Variants in PMEL observed in about 807,000 individuals in gnomAD.
PMEL encodes melanocyte protein PMEL.
Under a neutral mutation model 64.9 loss-of-function variants are expected in PMEL, and 53 were observed. The ratio of observed to expected loss-of-function variants is 0.82; its 90% CI spans 0.66 to 1.03. The LOEUF is 1.03. PMEL is among the 50% of genes least tolerant of loss of function. The pLI is 0.00. For missense variants in PMEL, 716 were observed against 814.9 expected, an observed-to-expected ratio of 0.88 and a Z score of 1.48; for synonymous variants, 299 against 316.2, an observed-to-expected ratio of 0.95 and a Z score of 0.58.
intron 3 of PMEL, among the ~76,000 whole-genome samples, chr12:55,960,535 C>CTT (rs1889060584): frequency 8.1e-6 from 1 of 122,942 alleles, no homozygotes; most frequent in Non-Finnish European, 1.6e-5. Flanking sequence ...TTTTTGCTTT[C>CTT]TGTTTTTTTT....
chr12:55,954,491 T>C (rs1180547292), intron 10 of PMEL, 142 bp from the exon 11 acceptor site: 2 of 787,542 alleles, frequency 2.5e-6, no homozygotes, highest in Non-Finnish European at 4.1e-6. Context: ...CCTCCAGGGT[T>C]TACCCTCTCT....
Position 55,955,766 on chromosome 12 carries a change from G to A in PMEL, c.1556+13C>T, listed in dbSNP as rs375433823. ...CAACCAAAGAGTTACCAGCACACTA[G>A]TGAGACACTCACCCGCCTTGGCAGG... On this transcript the variant is annotated intron_variant, in intron 8 of 10. Coordinates refer to ENST00000548747, the MANE Select transcript of PMEL (RefSeq NM_001384361.1). The A allele has an allele frequency of 1.2e-6, 2 of 1,611,814 alleles. No homozygotes were observed. The highest frequency in any genetic ancestry group is 2.7e-5 in the African/African-American group (2 of 75,014).
At chr12:55,965,653 C>T (rs1384256881) in intron 1 of PMEL, among the ~76,000 whole-genome samples, 4 of 152,178 alleles carry the variant, frequency 2.6e-5, no homozygotes, top group Admixed American at 2.6e-4. Context: ...GCACATTTCA[C>T]CCCTTTGGAG....
intron 1 of PMEL, among the ~76,000 whole-genome samples, chr12:55,964,357 T>C (rs1244811782): frequency 6.6e-6 from 1 of 151,742 alleles, no homozygotes; most frequent in East Asian, 1.9e-4. Flanking sequence ...ACTGGGTTTC[T>C]CTATGTTGGT....
Position 55,958,527 on chromosome 12 carries a change from G to A in PMEL, c.415C>T (p.Pro139Ser). The stretch of plus-strand genomic sequence containing the variant: ...CTCTTCTGAGACCAAGAGCCAGATG[G>A]GCAAGGTCCACCATCAGGGAAGATG... ...ACIFPDGGPCPSGSWSQKRSF... is the reference protein window; with the variant it reads ...ACIFPDGGPCSSGSWSQKRSF... The change falls in exon 4 of 11, where the codon CCA (proline) becomes TCA (serine). Residue 139 changes from proline to serine, a missense_variant. Pro to Ser is a moderately conservative substitution (Grantham distance 74, BLOSUM62 -1). Coordinates refer to ENST00000548747, the MANE Select transcript of PMEL (RefSeq NM_001384361.1). 6.2e-7 allele frequency: 1 copy of A among 1,614,084 alleles called. No individual in the cohort carries two copies. Among genetic ancestry groups the A allele is most frequent in the Non-Finnish European group, 8.5e-7 (1 of 1,179,992 alleles).
intron 1 of PMEL, among the ~76,000 whole-genome samples, chr12:55,964,118 G>A (rs1208931086): frequency 6.6e-6 from 1 of 151,378 alleles, no homozygotes; most frequent in African/African-American, 2.4e-5. Context: ...AAGTGGCTAG[G>A]ACCACAGGTG....
intron 1 of PMEL, among the ~76,000 whole-genome samples, chr12:55,962,788 C>T (rs1465194937): frequency 1.3e-5 from 2 of 151,832 alleles, no homozygotes; most frequent in African/African-American, 4.8e-5. Flanking sequence ...GCTTCGGCCT[C>T]CCAAAGTGCT....
intron 4 of PMEL, 87 bp from the exon 5 acceptor site, chr12:55,958,171 G>A (rs748599361): frequency 3.0e-6 from 4 of 1,350,520 alleles, no homozygotes; most frequent in Non-Finnish European, 4.1e-6. Context: ...CACTGGAGAT[G>A]GGAGGTCAGG....
In PMEL at chr12:55,954,247, C is replaced by T; in HGVS notation, c.1953G>A (p.Glu651=). ...PRIFCSCPIG[E]NSPLLSGQQV ...GCTGCCCACTGAGGAGGGGGCTGTTCTCACCAATGGGACAAGAGCAGAAGA... is the reference window on the plus strand; with the variant it reads ...GCTGCCCACTGAGGAGGGGGCTGTTTTCACCAATGGGACAAGAGCAGAAGA... The change falls in exon 11 of 11, where the codon GAG becomes GAA. Residue 651 remains glutamate (E), a synonymous_variant. Transcript: ENST00000548747. 3 of 1,613,802 alleles carry T rather than the reference C, an allele frequency of 1.9e-6. No homozygotes were observed. Among genetic ancestry groups the T allele is most frequent in the Non-Finnish European group, 2.5e-6 (3 of 1,179,794 alleles).
intron 6 of PMEL, 124 bp from the exon 7 acceptor site, chr12:55,956,343 T>A: frequency 1.5e-6 from 1 of 675,186 alleles, no homozygotes; most frequent in Non-Finnish European, 2.7e-6. Flanking sequence ...AGGCTTGGAA[T>A]CAGATAAGAC....
chr12:55,959,379 C>T (rs778021505), intron 3 of PMEL, among the ~76,000 whole-genome samples: 15 of 139,930 alleles, frequency 1.1e-4, no homozygotes, highest in Non-Finnish European at 1.7e-4. Flanking sequence ...AGAAGGACCC[C>T]GACTTTAAAA....
At position 55,958,472 on chromosome 12, in the gene PMEL, C is replaced by T. The variant is rs1888981078; in HGVS notation, c.469+1G>A. On this transcript the variant is annotated splice_donor_variant, in intron 4 of 10. Coordinates refer to ENST00000548747, the MANE Select transcript of PMEL (RefSeq NM_001384361.1). LOFTEE classifies it high-confidence loss of function. ...GATAGGCTGAGAAGGGAGTCCCTCA[C>T]CCCAGGTCTTCCAGACATAAACAAA... 1 of 1,613,570 alleles carries T rather than the reference C, an allele frequency of 6.2e-7. No homozygotes were observed.
At chr12:55,965,676 C>T (rs1253534554) in intron 1 of PMEL, among the ~76,000 whole-genome samples, 1 of 152,206 alleles carries the variant, frequency 6.6e-6, no homozygotes, top group Non-Finnish European at 1.5e-5. Context: ...CGTGCTCCAG[C>T]TCACTGCCAA....
At chr12:55,961,225 A>G (rs112783616) in intron 3 of PMEL, 92 bp downstream of exon 3, 2 of 1,192,904 alleles carry the variant, frequency 1.7e-6, no homozygotes, top group South Asian at 1.4e-5. Context: ...AAAAAAAAAA[A>G]GTAGAGAAGG....
Position 55,954,270 on chromosome 12 carries a change from A to C in PMEL, c.1930T>G (p.Phe644Val), listed in dbSNP as rs1888734862. Residue 644 changes from phenylalanine (F) to valine (V), a missense_variant, in exon 11 of 11, where the codon TTC (phenylalanine) becomes GTC (valine). Physicochemically the swap from Phe to Val is conservative, Grantham distance 50. Transcript: ENST00000548747. ...SSHWLRLPRI[F>V]CSCPIGENSP... ...TTCTCACCAATGGGACAAGAGCAGA[A>C]GATGCGGGGTAGACGCAGCCAGTGA... is the stretch of plus-strand genomic sequence containing the variant. The C allele has an allele frequency of 6.2e-7, 1 of 1,614,054 alleles. No individual in the cohort carries two copies. Among genetic ancestry groups the C allele is most frequent in the Non-Finnish European group, 8.5e-7 (1 of 1,179,910 alleles).
chr12:55,958,312 G>C (rs542201072), intron 4 of PMEL, 161 bp downstream of exon 4: 2 of 814,032 alleles, frequency 2.5e-6, no homozygotes, highest in African/African-American at 3.4e-5. Flanking sequence ...TGATAGAGTT[G>C]AAGGGGGCTA....
At chr12:55,962,516 CTTT>C (rs1161956723) in intron 1 of PMEL, among the ~76,000 whole-genome samples, 1 of 73,164 alleles carries the variant, frequency 1.4e-5, no homozygotes, top group African/African-American at 5.4e-5. Context: ...TATTATTACT[CTTT>C]TTTTTTTTTT....
At chr12:55,962,932 G>A (rs1200468694) in intron 1 of PMEL, among the ~76,000 whole-genome samples, 1 of 151,990 alleles carries the variant, frequency 6.6e-6, no homozygotes, top group Admixed American at 6.5e-5. Flanking sequence ...AGAGGCCGAG[G>A]CAGGTGGATC....
intron 6 of PMEL, chr12:55,956,572 A>T: frequency 3.2e-6 from 1 of 313,534 alleles, no homozygotes; most frequent in Non-Finnish European, 5.9e-6. Context: ...ATGGGAATCC[A>T]GGGTTGGGAA....
Sources: gnomAD v4.1 joint callset for allele counts (sites outside exome capture counted in the v4.1 genomes callset) on GRCh38, gnomAD v4.1.1 for gene constraint, MANE v1.5 for transcripts, NCBI Gene and HGNC (gene_info 2026-07-23, HGNC 2026-07-21) for gene names.